Variants in UNC79 observed in about 807,000 individuals in gnomAD.
The protein encoded by UNC79 is unc-79 subunit of NALCN channel complex.
UNC79 carries 37 observed loss-of-function variants against 283.1 expected under a neutral mutation model. The ratio of observed to expected loss-of-function variants is 0.13; its 90% CI spans 0.10 to 0.17. The LOEUF (loss-of-function observed/expected upper bound fraction) is 0.17. Among genes scored for constraint, UNC79 ranks in the 10% least tolerant of loss-of-function variants. The pLI is 1.00. For synonymous variants in UNC79, 1,107 were observed against 1,200.2 expected (o/e 0.92, Z 1.61); for missense variants, 2,272 against 3,211.1 (o/e 0.71, Z 7.07).
intron 47 of UNC79, among the ~76,000 whole-genome samples, chr14:93,703,138 G>A (rs1050329224): frequency 4.6e-5 from 7 of 152,124 alleles, no homozygotes; most frequent in Admixed American, 2.6e-4. Context: ...TCAGCATCAC[G>A]TGACTGTCTC....
At chr14:93,508,653 G>A (rs2059667516) in intron 7 of UNC79, among the ~76,000 whole-genome samples, 1 of 151,864 alleles carries the variant, frequency 6.6e-6, no homozygotes, top group African/African-American at 2.4e-5. Context: ...ATTGTAAATG[G>A]CATTATTTTA....
intron 5 of UNC79, 142 bp downstream of exon 5, chr14:93,487,897 T>A (rs2058525594): frequency 2.9e-6 from 2 of 681,332 alleles, no homozygotes; most frequent in Non-Finnish European, 4.6e-6. Flanking sequence ...TGGAATCAAT[T>A]TATCTTGCCT....
chr14:93,415,083 A>G (rs1320710601), intron 1 of UNC79, among the ~76,000 whole-genome samples: 4 of 152,340 alleles, frequency 2.6e-5, no homozygotes, highest in African/African-American at 7.2e-5. Flanking sequence ...GAGAAAGGGC[A>G]TCCCTGTCTT....
chr14:93,413,832 G>C (rs1261259889), intron 1 of UNC79, among the ~76,000 whole-genome samples: 1 of 131,058 alleles, frequency 7.6e-6, no homozygotes, highest in African/African-American at 3.0e-5. Flanking sequence ...CTTCTTTTGA[G>C]AAGTGTCTGT....
intron 38 of UNC79, among the ~76,000 whole-genome samples, 165 bp downstream of exon 41, chr14:93,655,572 T>A (rs2070827773): frequency 2.0e-5 from 3 of 151,598 alleles, no homozygotes; most frequent in Admixed American, 2.0e-4. Context: ...CTGTCTTCTC[T>A]TAGAGAATGA....
At chr14:93,528,670 A>G (rs1351628946) in intron 9 of UNC79, 24 bp downstream of exon 9, 2 of 1,601,974 alleles carry the variant, frequency 1.2e-6, no homozygotes, top group Non-Finnish European at 1.7e-6. Context: ...TTCTTAAAGA[A>G]AAGGAAATAG....
At chr14:93,491,628 T>G (rs2058729664) in intron 5 of UNC79, among the ~76,000 whole-genome samples, 1 of 152,238 alleles carries the variant, frequency 6.6e-6, no homozygotes, top group Non-Finnish European at 1.5e-5. Flanking sequence ...TACTTTAAAA[T>G]GCTGCTGTGA....
chr14:93,607,807 A>T (rs2065991748), intron 26 of UNC79, among the ~76,000 whole-genome samples: 1 of 152,206 alleles, frequency 6.6e-6, no homozygotes, highest in Admixed American at 6.5e-5. Flanking sequence ...GCACTCTTGC[A>T]TTGACCTTTC....
At chr14:93,602,434 G>T (rs2065578310) in intron 25 of UNC79, among the ~76,000 whole-genome samples, 1 of 152,018 alleles carries the variant, frequency 6.6e-6, no homozygotes, top group African/African-American at 2.4e-5. Context: ...TTGTTTTTGG[G>T]TTCTCTATTC....
chr14:93,448,226 T>G (rs956596754), intron 1 of UNC79, among the ~76,000 whole-genome samples: 15 of 151,878 alleles, frequency 9.9e-5, no homozygotes, highest in African/African-American at 3.6e-4. Context: ...GTTTGATACT[T>G]TCTATTGGTC....
intron 1 of UNC79, among the ~76,000 whole-genome samples, chr14:93,391,993 G>T (rs937193928): frequency 2.0e-5 from 3 of 152,172 alleles, no homozygotes; most frequent in Admixed American, 6.5e-5. Context: ...AGGGTAAATT[G>T]GCACAACAAT....
At chr14:93,481,938 ATT>A (rs1252355174) in intron 4 of UNC79, among the ~76,000 whole-genome samples, 5 of 152,170 alleles carry the variant, frequency 3.3e-5, no homozygotes, top group Admixed American at 2.0e-4. Context: ...TCCTTCAACT[ATT>A]GGCAAATCTC....
chr14:93,550,674 T>C (rs1250792478), intron 14 of UNC79, among the ~76,000 whole-genome samples: 1 of 152,210 alleles, frequency 6.6e-6, no homozygotes, highest in Non-Finnish European at 1.5e-5. Context: ...CCTGTTTACA[T>C]GACTCAGGTC....
chr14:93,639,576 G>C (rs908217877), intron 32 of UNC79, among the ~76,000 whole-genome samples: 1 of 152,184 alleles, frequency 6.6e-6, no homozygotes, highest in African/African-American at 2.4e-5. Context: ...TGTTATCTTG[G>C]ATATAGCTGA....
At chr14:93,619,183 G>T (rs894300099) in intron 29 of UNC79, among the ~76,000 whole-genome samples, 1 of 152,162 alleles carries the variant, frequency 6.6e-6, no homozygotes, top group Non-Finnish European at 1.5e-5. Context: ...ATCTAGTTTG[G>T]CTACAGACGG....
chr14:93,580,176 A>G, exon 19 of UNC79: 1 of 1,613,756 alleles, frequency 6.2e-7, no homozygotes, highest in Non-Finnish European at 8.5e-7. Flanking sequence ...TGGAATCACG[A>G]TGGGTTTAGA....
intron 40 of UNC79, among the ~76,000 whole-genome samples, chr14:93,665,862 A>G (rs1445279868): frequency 1.3e-5 from 2 of 152,074 alleles, no homozygotes; most frequent in African/African-American, 2.4e-5. Context: ...TGAAACAACT[A>G]CTAAAAGATG....
At chr14:93,463,508 G>A (rs138877808) in intron 1 of UNC79, among the ~76,000 whole-genome samples, 4 of 152,280 alleles carry the variant, frequency 2.6e-5, no homozygotes, top group African/African-American at 9.6e-5. Flanking sequence ...TTTGAATCCT[G>A]GTAGGAATGA....
At chr14:93,572,039 C>T in exon 15 of UNC79, 2 of 1,614,164 alleles carry the variant, frequency 1.2e-6, no homozygotes, top group Non-Finnish European at 1.7e-6. Context: ...GCCATCAGAA[C>T]AGAAGTCCCA....
Sources: allele counts gnomAD v4.1 joint callset (sites outside exome capture counted in the v4.1 genomes callset), GRCh38; gene constraint gnomAD v4.1.1; transcripts MANE v1.5; gene names NCBI Gene and HGNC (gene_info 2026-07-23, HGNC 2026-07-21).